DRD3: variants seen among roughly 807,000 people sequenced by gnomAD.
The protein encoded by DRD3 is D(3) dopamine receptor.
Under a neutral mutation model 36.3 loss-of-function variants are expected in DRD3, and 19 were observed. The observed-to-expected ratio is 0.52, with a 90% CI of 0.36 to 0.77. The LOEUF (loss-of-function observed/expected upper bound fraction) is 0.77, where lower values mean the gene tolerates loss of function less well. DRD3 is among the 30% of genes least tolerant of loss of function. The pLI is 0.00. For synonymous variants in DRD3, 195 were observed against 203.7 expected, an observed-to-expected ratio of 0.96 and a Z score of 0.36; for missense variants, 465 against 505.3, an observed-to-expected ratio of 0.92 and a Z score of 0.77.
chr3:114,156,715 G>GTCTTTCTTTCTTTCTTTCTTTCTTTCTT (rs1328717527), intron 3 of DRD3, among the ~76,000 whole-genome samples: 13 of 80,282 alleles, frequency 1.6e-4, no homozygotes, highest in Admixed American at 4.7e-4. Context: ...TGGCTTGCCT[G>GTCTTTCTTTCTTTCTTTCTTTCTTTCTT]TCTTTCTTTC....
chr3:114,182,802 A>T (rs1470240328), upstream of DRD3, among the ~76,000 whole-genome samples: 1 of 152,170 alleles, frequency 6.6e-6, no homozygotes, highest in Non-Finnish European at 1.5e-5. Context: ...TGTTCTCAAA[A>T]TTCATTGATA....
At chr3:114,156,301 T>C (rs537333076) in intron 3 of DRD3, among the ~76,000 whole-genome samples, 1 of 152,306 alleles carries the variant, frequency 6.6e-6, no homozygotes, top group South Asian at 2.1e-4. Flanking sequence ...AGTCCACTTG[T>C]TCCTATTATG....
intron 4 of DRD3, among the ~76,000 whole-genome samples, chr3:114,141,259 C>T (rs1308797592): frequency 1.3e-5 from 2 of 152,154 alleles, no homozygotes; most frequent in Admixed American, 1.3e-4. Flanking sequence ...GTCTCAAACT[C>T]CCCACCTCAG....
At chr3:114,180,578 C>A (rs1263904726), upstream of DRD3, among the ~76,000 whole-genome samples, 1 of 152,100 alleles carries the variant, frequency 6.6e-6, no homozygotes, top group African/African-American at 2.4e-5. Flanking sequence ...TGGATTTCTA[C>A]CCTTCAAAAC....
At chr3:114,190,518 A>C (rs1276720393) in intron 1 of DRD3, among the ~76,000 whole-genome samples, 1 of 123,598 alleles carries the variant, frequency 8.1e-6, no homozygotes, top group Non-Finnish European at 1.7e-5. Context: ...GCAAACCAAT[A>C]AACAGAAAAT....
At chr3:114,137,835 C>CA (rs370174238) in intron 5 of DRD3, among the ~76,000 whole-genome samples, 112,060 of 141,398 alleles carry the variant, frequency 0.79, 45,340 homozygotes, top group Admixed American at 0.87. Flanking sequence ...ACTAAAAATA[C>CA]AAAAAAAAAA....
intron 4 of DRD3, among the ~76,000 whole-genome samples, chr3:114,140,616 G>A (rs2077516077): frequency 6.6e-6 from 1 of 152,242 alleles, no homozygotes; most frequent in Non-Finnish European, 1.5e-5. Flanking sequence ...TTTCGGATGA[G>A]CAGATTAAAG....
At chr3:114,190,344 G>T (rs1196584716) in intron 1 of DRD3, among the ~76,000 whole-genome samples, 1 of 140,230 alleles carries the variant, frequency 7.1e-6, no homozygotes, top group Non-Finnish European at 1.5e-5. Flanking sequence ...CTCAGTGAAT[G>T]TTATCCCAAT....
intron 3 of DRD3, among the ~76,000 whole-genome samples, chr3:114,148,187 A>G (rs324039): frequency 1 from 152,281 of 152,296 alleles, 76,133 homozygotes; most frequent in Middle Eastern, 1. Flanking sequence ...CTACCTGATC[A>G]CCCAGCATAA....
chr3:114,166,411 G>A (rs781120318), intron 2 of DRD3, among the ~76,000 whole-genome samples: 3 of 152,204 alleles, frequency 2.0e-5, no homozygotes, highest in Non-Finnish European at 2.9e-5. Context: ...CTAACGAGAG[G>A]TGATTATCCT....
chr3:114,196,086 A>G (rs2078034447), intron 1 of DRD3, among the ~76,000 whole-genome samples: 1 of 152,236 alleles, frequency 6.6e-6, no homozygotes, highest in Non-Finnish European at 1.5e-5. Context: ...CCATGTTGGC[A>G]GAGGGATTGC....
intron 1 of DRD3, among the ~76,000 whole-genome samples, chr3:114,188,017 A>C (rs138919872): frequency 6.6e-6 from 1 of 152,162 alleles, no homozygotes; most frequent in Non-Finnish European, 1.5e-5. Context: ...ATACCTGAGC[A>C]TCTCCCCTCT....
intron 5 of DRD3, among the ~76,000 whole-genome samples, chr3:114,138,216 C>G (rs1038885505): frequency 1.3e-5 from 2 of 149,664 alleles, no homozygotes; most frequent in African/African-American, 4.9e-5. Flanking sequence ...AAAGATTAAT[C>G]TAGACACCCA....
In DRD3 at chr3:114,150,781, G is replaced by A. The variant is rs1373030617; in HGVS notation, c.384-3224C>T. Among the ~76,000 whole-genome samples the A allele has an allele frequency of 3.9e-5, 6 of 152,208 alleles. No homozygotes were observed. In the South Asian group the frequency reaches 6.2e-4, roughly 16 times the overall value. On this transcript the variant is annotated intron_variant, in intron 3 of 6. Coordinates refer to ENST00000383673, the MANE Select transcript of DRD3 (RefSeq NM_000796.6). ...CAGATGCTGGGCTCGAAGGGATCGG[G>A]CAAGGCTTCCTGAGGCTCCTCCTGT...
At chr3:114,192,620 TACA>T (rs889379216) in intron 1 of DRD3, among the ~76,000 whole-genome samples, 16 of 152,260 alleles carry the variant, frequency 1.1e-4, no homozygotes, top group African/African-American at 3.9e-4. Context: ...CAATAGCTCA[TACA>T]ACAATTACCT....
At chr3:114,157,788 A>G (rs2077696013) in intron 3 of DRD3, among the ~76,000 whole-genome samples, 1 of 152,190 alleles carries the variant, frequency 6.6e-6, no homozygotes, top group African/African-American at 2.4e-5. Context: ...TGAAAATAAT[A>G]CCATTAAAGA....
intron 1 of DRD3, among the ~76,000 whole-genome samples, chr3:114,178,335 A>G (rs1362143950): frequency 6.6e-6 from 1 of 152,220 alleles, no homozygotes; most frequent in African/African-American, 2.4e-5. Flanking sequence ...TAAGAGGAAT[A>G]CAATCAACTT....
upstream of DRD3, among the ~76,000 whole-genome samples, chr3:114,180,252 T>G (rs1467486655): frequency 6.6e-6 from 1 of 152,132 alleles, no homozygotes; most frequent in African/African-American, 2.4e-5. Context: ...ATTCTGTAAA[T>G]TATATTACAT....
chr3:114,192,482 A>C (rs948637917), intron 1 of DRD3, among the ~76,000 whole-genome samples: 1 of 152,086 alleles, frequency 6.6e-6, no homozygotes, highest in Admixed American at 6.5e-5. Context: ...TTTATTTCTG[A>C]AGTAGGTCAT....
Sources: gnomAD v4.1 joint callset for allele counts (sites outside exome capture counted in the v4.1 genomes callset) on GRCh38, gnomAD v4.1.1 for gene constraint, MANE v1.5 for transcripts, NCBI Gene and HGNC (gene_info 2026-07-23, HGNC 2026-07-21) for gene names.